The following GBP2 variants were observed in gnomAD, a reference collection of about 807,000 sequenced individuals.
GBP2 encodes the protein guanylate binding protein 2.
A neutral mutation model predicts 60.8 loss-of-function variants in GBP2; 54 were observed. The observed-to-expected ratio is 0.89, with a 90% CI of 0.71 to 1.11. The LOEUF is 1.11. Among genes scored for constraint, GBP2 ranks in the 50% most tolerant of loss-of-function variants. The probability of loss-of-function intolerance (pLI) is 0.00; values close to 1 mark genes in which losing one functional copy is unlikely to be tolerated. For missense variants in GBP2, 665 were observed against 703.3 expected (o/e 0.95, Z 0.62); for synonymous variants, 243 against 256.5 (o/e 0.95, Z 0.50).
Position 89,107,204 on chromosome 1 carries a change from A to G in GBP2, c.*971T>C, listed in dbSNP as rs1045583015. Among the ~76,000 whole-genome samples the G allele has an allele frequency of 6.9e-6, 1 of 145,216 alleles. No individual in the cohort carries two copies. The highest frequency in any genetic ancestry group is 2.5e-5 in the African/African-American group (1 of 39,734). ...ATTATTCTTGATTTTTCAATCTGTC[A>G]TTTTTTTTTTTTTAGTAAGTCATTT... On this transcript the variant is annotated 3_prime_UTR_variant, in exon 11 of 11. Coordinates refer to ENST00000370466, the MANE Select transcript of GBP2 (RefSeq NM_004120.5).
At position 89,121,903 on chromosome 1, in the gene GBP2, C is replaced by T; in HGVS notation, c.64G>A (p.Val22Met). Residue 22 changes from valine (V) to methionine (M), a missense_variant, in exon 2 of 11, where the codon GTG (valine) becomes ATG (methionine). Val to Met is a conservative substitution (Grantham distance 21). Coordinates refer to ENST00000370466, the MANE Select transcript of GBP2 (RefSeq NM_004120.5). ...SLIDNTKGQL[V>M]VNPEALKILS... ...ATCTTCAGAGCTTCTGGATTCACCA[C>T]CAGCTGCCCTTTAGTGTTATCAATG... The T allele has an allele frequency of 1.2e-6, 2 of 1,614,096 alleles. No homozygotes were observed. The highest frequency in any genetic ancestry group is 1.7e-6 in the Non-Finnish European group (2 of 1,179,994).
intron 6 of GBP2, among the ~76,000 whole-genome samples, 193 bp from the exon 7 acceptor site, chr1:89,114,489 G>C (rs1263056065): frequency 1.3e-5 from 2 of 152,132 alleles, no homozygotes; most frequent in African/African-American, 4.8e-5. Flanking sequence ...CACCCAAAAG[G>C]AAGATATTGA....
intron 10 of GBP2, among the ~76,000 whole-genome samples, chr1:89,108,510 G>C (rs1037972515): frequency 2.0e-5 from 3 of 151,974 alleles, no homozygotes; most frequent in African/African-American, 7.3e-5. Context: ...TTTATTCCTT[G>C]GTCCCTTCAC....
At chr1:89,123,625 A>G (rs1033684916) in intron 1 of GBP2, among the ~76,000 whole-genome samples, 2 of 152,276 alleles carry the variant, frequency 1.3e-5, no homozygotes, top group Non-Finnish European at 2.9e-5. Context: ...GGTCTTACAC[A>G]TACAGTCAAA....
In GBP2 at chr1:89,114,061, C is replaced by A. The variant is rs749146848; in HGVS notation, c.1104G>T (p.Lys368Asn). 5.6e-6 allele frequency: 9 copies of A among 1,614,116 alleles called. No homozygotes were observed. Among genetic ancestry groups the A allele is most frequent in the Non-Finnish European group, 3.4e-6 (4 of 1,180,054 alleles). ...TTTGGTCCACATCCTTGAAAGAGTT[C>A]TTCATGAAGACTTCAATGGCCTCTC... ...SEREAIEVFM[K>N]NSFKDVDQMF... Residue 368 changes from lysine (K) to asparagine (N), a missense_variant, in exon 7 of 11, where the codon AAG becomes AAT. Physicochemically the swap from Lys to Asn is moderately conservative, Grantham distance 94. Transcript: ENST00000370466.
In GBP2 at chr1:89,117,187, G is replaced by A. The variant is rs189899416; in HGVS notation, c.673C>T (p.Arg225Ter). The A allele has an allele frequency of 4.3e-6, 7 of 1,614,048 alleles. No individual in the cohort carries two copies. The highest frequency in any genetic ancestry group is 4.5e-5 in the East Asian group (2 of 44,886). The change falls in exon 6 of 11, where the codon CGA becomes TGA. Residue 225 changes from arginine to a stop codon, truncating the protein, a stop_gained. Transcript: ENST00000370466. LOFTEE classifies it high-confidence loss of function. ...CACTTCCTCTTGGGGAAGAACTTTC[G>A]GATGCACAACCGAGGATCATTAAAG... ...KSFNDPRLCIRKFFPKRKCFV... is the reference protein window; with the variant it reads ...KSFNDPRLCI
At chr1:89,113,964 C>A (rs1419374860) in intron 7 of GBP2, 52 bp downstream of exon 7, 20 of 1,595,752 alleles carry the variant, frequency 1.3e-5, no homozygotes, top group Non-Finnish European at 1.7e-5. Context: ...ATTATTTTCC[C>A]ATGAAGGGCC....
intron 4 of GBP2, 83 bp from the exon 5 acceptor site, chr1:89,117,856 G>A: frequency 9.1e-7 from 1 of 1,104,876 alleles, no homozygotes; most frequent in Non-Finnish European, 1.3e-6. Context: ...AAATAATTTG[G>A]TTTCTTTTTA....
At chr1:89,113,108 GA>G (rs1403000645) in intron 7 of GBP2, 1 of 192,584 alleles carries the variant, frequency 5.2e-6, no homozygotes, top group Non-Finnish European at 1.1e-5. Flanking sequence ...TGCAGCAGAG[GA>G]ACAATACCTA....
At chr1:89,119,126 A>C (rs956319819) in intron 4 of GBP2, 1 of 152,218 alleles carries the variant, frequency 6.6e-6, no homozygotes, top group African/African-American at 2.4e-5. Flanking sequence ...AGAGGCTAAA[A>C]GGAGAAAGAG....
Position 89,106,813 on chromosome 1 carries a change from A to G in GBP2, c.*1362T>C, listed in dbSNP as rs549728751. ...CTTAGCTGGAGATGTGAGCAGCTCA[A>G]AGATGCAACTTTTCATGGGGTAGGG... On this transcript the variant is annotated 3_prime_UTR_variant, in exon 11 of 11. Coordinates refer to ENST00000370466, the MANE Select transcript of GBP2 (RefSeq NM_004120.5). 3.3e-5 allele frequency: 5 copies of G among 152,222 alleles called. No homozygotes were observed. The highest frequency in any genetic ancestry group is 5.9e-5 in the Non-Finnish European group (4 of 68,044). 9.4% of individuals were successfully genotyped at this position (152,222 alleles called of 1,614,324 possible). A position where few individuals can be genotyped will look rare whatever the true frequency, so the allele number is the denominator to read the frequency against.
intron 4 of GBP2, chr1:89,118,604 T>C (rs774813725): frequency 1.3e-5 from 2 of 152,094 alleles, no homozygotes; most frequent in African/African-American, 4.8e-5. Context: ...CAAGTGTGTA[T>C]GCCAAAACAA....
chr1:89,118,665 C>A (rs539564266), intron 4 of GBP2: 1 of 152,074 alleles, frequency 6.6e-6, no homozygotes, highest in African/African-American at 2.4e-5. Flanking sequence ...GAAAAGATAA[C>A]CAAGATGAGA....
intron 8 of GBP2, 114 bp from the exon 9 acceptor site, chr1:89,110,380 T>A: frequency 1.3e-6 from 1 of 776,472 alleles, no homozygotes; most frequent in Non-Finnish European, 2.2e-6. Flanking sequence ...AAAAAGATAC[T>A]TGCATACGCA....
chr1:89,112,022 G>A (rs1681177121), intron 8 of GBP2, among the ~76,000 whole-genome samples: 1 of 152,196 alleles, frequency 6.6e-6, no homozygotes, highest in Non-Finnish European at 1.5e-5. Context: ...ATTGCTCTGA[G>A]TATTAAATGA....
intron 3 of GBP2, among the ~76,000 whole-genome samples, chr1:89,120,648 G>C (rs1464984238): frequency 6.6e-6 from 1 of 152,108 alleles, no homozygotes; most frequent in East Asian, 1.9e-4. Flanking sequence ...GTTAAAATAA[G>C]CTCCTTTAAT....
Position 89,114,042 on chromosome 1 carries a change from C to A in GBP2, c.1123G>T (p.Asp375Tyr), listed in dbSNP as rs1445034186. 1.2e-6 allele frequency: 2 copies of A among 1,614,084 alleles called. No individual in the cohort carries two copies. Among genetic ancestry groups the A allele is most frequent in the African/African-American group, 2.7e-5 (2 of 74,928 alleles). The change falls in exon 7 of 11, where the codon GAC (aspartate) becomes TAC (tyrosine). Residue 375 changes from aspartate to tyrosine, a missense_variant. Asp to Tyr is a radical substitution (Grantham distance 160). Transcript: ENST00000370466. ...VFMKNSFKDV[D>Y]QMFQRKLGAQ... ...CCTAATTTCCTCTGGAACATTTGGT[C>A]CACATCCTTGAAAGAGTTCTTCATG...
At chr1:89,109,101 G>T (rs1029704293) in intron 10 of GBP2, among the ~76,000 whole-genome samples, 5 of 152,030 alleles carry the variant, frequency 3.3e-5, no homozygotes, top group Non-Finnish European at 5.9e-5. Context: ...CTCCATGTTG[G>T]TCAGGCTGGT....
intron 8 of GBP2, among the ~76,000 whole-genome samples, chr1:89,110,993 C>T (rs964266591): frequency 3.9e-5 from 6 of 152,066 alleles, no homozygotes; most frequent in African/African-American, 1.4e-4. Flanking sequence ...GATGCAAGGA[C>T]GGCTCAACAT....
Sources: gnomAD v4.1 joint callset for allele counts (sites outside exome capture counted in the v4.1 genomes callset) on GRCh38, gnomAD v4.1.1 for gene constraint, MANE v1.5 for transcripts, NCBI Gene and HGNC (gene_info 2026-07-23, HGNC 2026-07-21) for gene names.